TMOD1: variants seen among roughly 807,000 people sequenced by gnomAD.
TMOD1 encodes tropomodulin 1.
TMOD1 carries 17 observed loss-of-function variants against 40.6 expected under a neutral mutation model. The observed-to-expected ratio is 0.42, with a 90% CI of 0.29 to 0.63. The LOEUF (loss-of-function observed/expected upper bound fraction) is 0.63. Ranked by LOEUF, TMOD1 falls within the 20% of genes least tolerant of loss-of-function variation. The pLI, the probability that TMOD1 is intolerant of heterozygous loss-of-function variation, is 0.22. For synonymous variants in TMOD1, 181 were observed against 175.0 expected (o/e 1.03, Z -0.27); for missense variants, 391 against 447.6 (o/e 0.87, Z 1.14).
rs71308254 is a variant in TMOD1 at position 97,546,929 on chromosome 9, CAAAA to C, written c.277+608_277+611del. On this transcript the variant is annotated intron_variant, in intron 3 of 9. Coordinates refer to ENST00000259365, the MANE Select transcript of TMOD1 (RefSeq NM_003275.4). ...GGGCAACAGAGTAAGACTCCGTCTC[CAAAA>C]AAAAAAAAAAAAAAAAAAAGACATC... Among the ~76,000 whole-genome samples the C allele has an allele frequency of 7.2e-5, 4 of 55,198 alleles. No homozygotes were observed. In the South Asian group the frequency reaches 3.5e-3, roughly 48 times the overall value. The allele number at this position is 55,198 out of a possible 152,430, so 36.2% of individuals were successfully genotyped here.
chr9:97,523,014 C>T (rs1042294681), intron 1 of TMOD1, among the ~76,000 whole-genome samples: 2 of 152,146 alleles, frequency 1.3e-5, no homozygotes, highest in African/African-American at 4.8e-5. Context: ...AGAGCACCCT[C>T]GGACTGATGT....
In TMOD1 at chr9:97,546,200, G is replaced by T. The variant is rs759813492; in HGVS notation, c.136G>T (p.Ala46Ser). The part of the protein sequence containing the change: ...ELDPDNALLP[A>S]GLRQKDQTTK... ...TCCAATGTAGAATGCACTGCTGCCT[G>T]CAGGCCTGAGGCAGAAGGATCAGAC... is the stretch of plus-strand genomic sequence containing the variant. The change falls in exon 3 of 10, where the codon GCA becomes TCA. Residue 46 changes from alanine (A) to serine (S), a missense_variant. Physicochemically the swap from Ala to Ser is moderately conservative, Grantham distance 99. Transcript: ENST00000259365. The T allele has an allele frequency of 6.2e-7, 1 of 1,612,660 alleles. No individual in the cohort carries two copies. The highest frequency in any genetic ancestry group is 1.7e-5 in the Admixed American group (1 of 59,798).
intron 4 of TMOD1, among the ~76,000 whole-genome samples, chr9:97,558,950 G>C (rs1830573158): frequency 6.6e-6 from 1 of 152,186 alleles, no homozygotes; most frequent in African/African-American, 2.4e-5. Flanking sequence ...ATGCAGGTCT[G>C]CTTCCTCTTG....
chr9:97,551,556 G>GTCTA (rs1263165373), intron 3 of TMOD1, among the ~76,000 whole-genome samples: 5 of 152,108 alleles, frequency 3.3e-5, no homozygotes, highest in Non-Finnish European at 5.9e-5. Context: ...CTATTTCATT[G>GTCTA]TCTATCTATC....
At chr9:97,512,079 T>C (rs1012612187) in intron 1 of TMOD1, among the ~76,000 whole-genome samples, 1 of 152,192 alleles carries the variant, frequency 6.6e-6, no homozygotes, top group African/African-American at 2.4e-5. Context: ...CTGTTCTTCA[T>C]ATGACACCTT....
At chr9:97,538,995 A>G (rs1830234960) in intron 2 of TMOD1, among the ~76,000 whole-genome samples, 2 of 151,922 alleles carry the variant, frequency 1.3e-5, no homozygotes, top group Admixed American at 6.6e-5. Context: ...GCACAGCCAG[A>G]CTCCATCTCA....
At chr9:97,516,911 C>T (rs944531741) in intron 1 of TMOD1, 1 of 152,072 alleles carries the variant, frequency 6.6e-6, no homozygotes, top group Non-Finnish European at 1.5e-5. Flanking sequence ...ATAGTAGTGA[C>T]GGTTGCACAA....
At chr9:97,534,872 G>C (rs111951017) in intron 2 of TMOD1, among the ~76,000 whole-genome samples, 2 of 152,322 alleles carry the variant, frequency 1.3e-5, no homozygotes, top group African/African-American at 4.8e-5. Context: ...GCTGAACAGG[G>C]TGCCCAAGGG....
intron 2 of TMOD1, among the ~76,000 whole-genome samples, chr9:97,528,679 T>C (rs759831857): frequency 2.0e-5 from 3 of 152,158 alleles, no homozygotes; most frequent in Non-Finnish European, 4.4e-5. Flanking sequence ...GCCAAAGATA[T>C]GCAGACAATG....
chr9:97,581,037 A>G (rs1259235713), intron 8 of TMOD1, among the ~76,000 whole-genome samples: 2 of 144,088 alleles, frequency 1.4e-5, no homozygotes, highest in Admixed American at 1.4e-4. Context: ...GTACATGTGC[A>G]CATTGTGCAG....
intron 8 of TMOD1, among the ~76,000 whole-genome samples, chr9:97,569,587 A>G (rs1830788520): frequency 6.6e-6 from 1 of 152,206 alleles, no homozygotes; most frequent in Non-Finnish European, 1.5e-5. Context: ...CTGTGGGTCA[A>G]TCATTTTATC....
intron 2 of TMOD1, 48 bp downstream of exon 2, chr9:97,524,356 G>A (rs1425126088): frequency 5.6e-6 from 9 of 1,594,168 alleles, no homozygotes; most frequent in Non-Finnish European, 7.7e-6. Flanking sequence ...GAGGGGACCT[G>A]GGGAGGGACA....
chr9:97,568,169 C>G (rs529673635), intron 7 of TMOD1, among the ~76,000 whole-genome samples: 1 of 152,282 alleles, frequency 6.6e-6, no homozygotes, highest in South Asian at 2.1e-4. Context: ...CATGGAATTT[C>G]CACAGGGCAA....
intron 4 of TMOD1, among the ~76,000 whole-genome samples, chr9:97,559,843 C>A (rs376875201): frequency 0.19 from 14,452 of 76,854 alleles, 1,731 homozygotes; most frequent in African/African-American, 0.24. Context: ...ATCTATCTAT[C>A]TATCTATCTC....
At chr9:97,592,072 A>AC (rs397973225) in intron 9 of TMOD1, among the ~76,000 whole-genome samples, 1 of 151,932 alleles carries the variant, frequency 6.6e-6, no homozygotes. Context: ...TTTTTTGATA[A>AC]TGAACACTTA....
chr9:97,527,808 C>T (rs1830040251), intron 2 of TMOD1, among the ~76,000 whole-genome samples: 3 of 152,140 alleles, frequency 2.0e-5, no homozygotes, highest in South Asian at 2.1e-4. Flanking sequence ...GAGGCGCTCC[C>T]GCGGGGGAAT....
rs528498677 is a variant in TMOD1 at position 97,571,318 on chromosome 9, A to T, written c.870+2281A>T. On this transcript the variant is annotated intron_variant, in intron 8 of 9. Transcript: ENST00000259365. Reference sequence around the variant, plus strand: ...ACTATCCCCCCAGAGTCCAAGATGGAGCCCATGCTAACCATTGCCCTTACC... The same window carrying T: ...ACTATCCCCCCAGAGTCCAAGATGGTGCCCATGCTAACCATTGCCCTTACC... 7.2e-5 allele frequency among the ~76,000 whole-genome samples: 11 copies of T among 152,326 alleles called. No individual in the cohort carries two copies. In the South Asian group the frequency reaches 2.1e-3, roughly 29 times the overall value.
chr9:97,526,801 C>A (rs1830021160), intron 2 of TMOD1, among the ~76,000 whole-genome samples: 1 of 152,130 alleles, frequency 6.6e-6, no homozygotes. Flanking sequence ...CCTCAATGTC[C>A]CCAGCCATGG....
intron 8 of TMOD1, among the ~76,000 whole-genome samples, chr9:97,589,737 C>A (rs1253129014): frequency 6.6e-6 from 1 of 152,124 alleles, no homozygotes. Flanking sequence ...TAGACCCCCC[C>A]AGTAAAATGT....
Sources: allele counts gnomAD v4.1 joint callset (sites outside exome capture counted in the v4.1 genomes callset), GRCh38; gene constraint gnomAD v4.1.1; transcripts MANE v1.5; gene names NCBI Gene and HGNC (gene_info 2026-07-23, HGNC 2026-07-21).